The following TMEM178B variants were observed in gnomAD, a reference collection of about 807,000 sequenced individuals.
TMEM178B encodes transmembrane protein 178B.
TMEM178B carries 5 observed loss-of-function variants against 31.0 expected under a neutral mutation model. The ratio of observed to expected loss-of-function variants is 0.16; its 90% CI spans 0.08 to 0.34. TMEM178B has a LOEUF of 0.34. Among genes scored for constraint, TMEM178B ranks in the 10% least tolerant of loss-of-function variants. The pLI is 1.00. For missense variants in TMEM178B, 275 were observed against 400.3 expected, an observed-to-expected ratio of 0.69 and a Z score of 2.67; for synonymous variants, 164 against 164.0, an observed-to-expected ratio of 1.00 and a Z score of 0.00.
At chr7:141,263,796 A>G (rs894726802) in intron 2 of TMEM178B, among the ~76,000 whole-genome samples, 4 of 152,194 alleles carry the variant, frequency 2.6e-5, no homozygotes, top group African/African-American at 4.8e-5. Context: ...TCTGACACCA[A>G]TTGTAGATTC....
intron 2 of TMEM178B, among the ~76,000 whole-genome samples, chr7:141,262,502 T>TATCC (rs1798030473): frequency 7.6e-6 from 1 of 132,388 alleles, no homozygotes; most frequent in Non-Finnish European, 1.6e-5. Flanking sequence ...TATATATATA[T>TATCC]ATCCCTCCCT....
chr7:141,509,537 CT>C, the TMEM178B span, among the ~76,000 whole-genome samples: 1 of 152,130 alleles, frequency 6.6e-6, no homozygotes, highest in East Asian at 1.9e-4. Flanking sequence ...GTAATCCCAG[CT>C]ACTCAGGAGG....
chr7:141,324,432 T>G (rs1402321031), intron 2 of TMEM178B, among the ~76,000 whole-genome samples: 10 of 121,288 alleles, frequency 8.2e-5, no homozygotes, highest in African/African-American at 2.3e-4. Flanking sequence ...TTTTTTTTTT[T>G]TTTTTTTTTT....
chr7:141,162,064 C>A (rs1796184199), intron 1 of TMEM178B, among the ~76,000 whole-genome samples: 1 of 152,158 alleles, frequency 6.6e-6, no homozygotes, highest in African/African-American at 2.4e-5. Flanking sequence ...CCAGATGCCC[C>A]ACAGTCAGGT....
chr7:141,119,589 T>G (rs1795376214), intron 1 of TMEM178B, among the ~76,000 whole-genome samples: 1 of 152,238 alleles, frequency 6.6e-6, no homozygotes, highest in African/African-American at 2.4e-5. Flanking sequence ...CAGCGCATCT[T>G]TATGAACATG....
intron 2 of TMEM178B, among the ~76,000 whole-genome samples, chr7:141,379,931 C>T (rs909881431): frequency 6.6e-6 from 1 of 152,094 alleles, no homozygotes; most frequent in African/African-American, 2.4e-5. Context: ...CCAGAAAATC[C>T]TTTTACCTTT....
At chr7:141,470,182 A>T (rs1802214188) in intron 3 of TMEM178B, among the ~76,000 whole-genome samples, 1 of 152,202 alleles carries the variant, frequency 6.6e-6, no homozygotes, top group Admixed American at 6.5e-5. Context: ...AATACAATGA[A>T]TTTAAAATGC....
At chr7:141,249,622 G>A (rs1427491295) in intron 2 of TMEM178B, among the ~76,000 whole-genome samples, 1 of 150,440 alleles carries the variant, frequency 6.6e-6, no homozygotes, top group African/African-American at 2.4e-5. Flanking sequence ...ACTCTGCCCT[G>A]TTGGTAATTA....
At chr7:141,111,304 C>A (rs1795231316) in intron 1 of TMEM178B, among the ~76,000 whole-genome samples, 1 of 152,088 alleles carries the variant, frequency 6.6e-6, no homozygotes, top group South Asian at 2.1e-4. Flanking sequence ...ACAGGAAAAA[C>A]CACCCCCCCA....
chr7:141,273,877 G>C (rs1363817741), intron 2 of TMEM178B, among the ~76,000 whole-genome samples: 1 of 152,160 alleles, frequency 6.6e-6, no homozygotes, highest in South Asian at 2.1e-4. Flanking sequence ...GATGTAATAG[G>C]TTTCTCAAAC....
the TMEM178B span, among the ~76,000 whole-genome samples, chr7:141,487,390 C>T: frequency 4.6e-5 from 7 of 152,044 alleles, no homozygotes; most frequent in African/African-American, 1.4e-4. Flanking sequence ...TCTCCATCCG[C>T]GACAATGGAA....
chr7:141,375,872 G>T (rs1019561490), intron 2 of TMEM178B, among the ~76,000 whole-genome samples: 4 of 152,282 alleles, frequency 2.6e-5, no homozygotes, highest in African/African-American at 7.2e-5. Context: ...GGCAAGCCTT[G>T]GGTGAACAAC....
intron 2 of TMEM178B, among the ~76,000 whole-genome samples, chr7:141,304,775 C>T (rs946748878): frequency 2.0e-5 from 3 of 152,182 alleles, no homozygotes; most frequent in Admixed American, 6.5e-5. Context: ...CTCTAGCCAC[C>T]TCCTAGTCCA....
In TMEM178B at chr7:141,431,420, A is replaced by G. The variant is rs562781520; in HGVS notation, c.497-6188A>G. 1.4e-4 allele frequency among the ~76,000 whole-genome samples: 22 copies of G among 152,250 alleles called. No homozygotes were observed. In the South Asian group the frequency reaches 4.1e-3, roughly 29 times the overall value. Reference sequence around the variant, plus strand: ...GAACAGCTTTTTCTGGTTCTATTTAATGGTTCTCCTCGCCTTTCCTCCTCC... The same window carrying G: ...GAACAGCTTTTTCTGGTTCTATTTAGTGGTTCTCCTCGCCTTTCCTCCTCC... On this transcript the variant is annotated intron_variant, in intron 2 of 3. Transcript: ENST00000565468.
intron 1 of TMEM178B, among the ~76,000 whole-genome samples, chr7:141,187,627 C>T (rs141294997): frequency 5.3e-5 from 8 of 152,166 alleles, no homozygotes; most frequent in South Asian, 2.1e-4. Flanking sequence ...TTTTCATGAT[C>T]GCCATTCTAA....
chr7:141,212,736 T>A, intron 2 of TMEM178B, 32 bp downstream of exon 2: 1 of 1,505,902 alleles, frequency 6.6e-7, no homozygotes, highest in South Asian at 1.2e-5. Context: ...TGGCTGTGAC[T>A]GTGCTGTGAG....
intron 3 of TMEM178B, among the ~76,000 whole-genome samples, chr7:141,466,155 G>A (rs1053823025): frequency 3.9e-5 from 6 of 152,114 alleles, no homozygotes; most frequent in African/African-American, 1.4e-4. Flanking sequence ...TGTATCACTG[G>A]TCTACTTTAA....
chr7:141,443,923 T>A (rs1801706945), intron 3 of TMEM178B, among the ~76,000 whole-genome samples: 1 of 152,264 alleles, frequency 6.6e-6, no homozygotes, highest in Non-Finnish European at 1.5e-5. Context: ...TTTGTTGCTC[T>A]CATTGGTACA....
At chr7:141,383,472 G>A (rs1419544354) in intron 2 of TMEM178B, among the ~76,000 whole-genome samples, 4 of 150,972 alleles carry the variant, frequency 2.6e-5, no homozygotes, top group Admixed American at 6.7e-5. Context: ...TGCAATGTTC[G>A]GTTTTTTGTC....
Sources: gnomAD v4.1 joint callset for allele counts (sites outside exome capture counted in the v4.1 genomes callset) on GRCh38, gnomAD v4.1.1 for gene constraint, MANE v1.5 for transcripts, NCBI Gene and HGNC (gene_info 2026-07-23, HGNC 2026-07-21) for gene names.